LPP: variants seen among roughly 807,000 people sequenced by gnomAD.
The protein encoded by LPP is lipoma-preferred partner.
Under a neutral mutation model 60.4 loss-of-function variants are expected in LPP, and 38 were observed. The observed-to-expected ratio is 0.63, with a 90% confidence interval of 0.49 to 0.83. The LOEUF is 0.83. LPP is among the 40% of genes least tolerant of loss of function. The pLI, the probability that LPP is intolerant of heterozygous loss-of-function variation, is 0.00. For synonymous variants in LPP, 328 were observed against 290.8 expected (o/e 1.13, Z -1.30); for missense variants, 902 against 783.6 (o/e 1.15, Z -1.80).
chr3:188,670,793 A>G (rs1856806087), intron 7 of LPP, among the ~76,000 whole-genome samples: 1 of 152,162 alleles, frequency 6.6e-6, no homozygotes, highest in East Asian at 1.9e-4. Context: ...GGATGACGGG[A>G]ACAAACTCAA....
chr3:188,398,182 G>T (rs1277491397), intron 3 of LPP, among the ~76,000 whole-genome samples: 3 of 152,198 alleles, frequency 2.0e-5, no homozygotes, highest in Admixed American at 2.0e-4. Flanking sequence ...ACATAGTTTT[G>T]TAAGAAACCT....
intron 4 of LPP, among the ~76,000 whole-genome samples, chr3:188,436,149 G>C (rs1010237435): frequency 6.6e-6 from 1 of 152,172 alleles, no homozygotes; most frequent in South Asian, 2.1e-4. Context: ...CTTCCATTGT[G>C]TAGATTACTA....
intron 2 of LPP, among the ~76,000 whole-genome samples, chr3:188,239,413 G>T (rs549305386): frequency 6.6e-6 from 1 of 152,280 alleles, no homozygotes; most frequent in East Asian, 1.9e-4. Context: ...TATGGTCTTT[G>T]CTGTTTGTGT....
intron 3 of LPP, among the ~76,000 whole-genome samples, chr3:188,345,345 A>C (rs1210930208): frequency 6.6e-6 from 1 of 152,110 alleles, no homozygotes; most frequent in East Asian, 1.9e-4. Context: ...TTCCGTGTTT[A>C]TTAAAAGACT....
At chr3:188,195,411 A>G (rs1183901963) in intron 1 of LPP, among the ~76,000 whole-genome samples, 1 of 152,236 alleles carries the variant, frequency 6.6e-6, no homozygotes, top group African/African-American at 2.4e-5. Context: ...AACTTAAAGT[A>G]CTGTATAGTT....
intron 1 of LPP, among the ~76,000 whole-genome samples, chr3:188,186,847 G>T (rs561055334): frequency 7.2e-5 from 11 of 152,094 alleles, no homozygotes; most frequent in African/African-American, 2.7e-4. Flanking sequence ...TTTATTTTAT[G>T]ATAGGTAAGG....
At chr3:188,239,949 A>G (rs2149437050) in intron 2 of LPP, 2 of 201,090 alleles carry the variant, frequency 9.9e-6, no homozygotes, top group South Asian at 1.9e-4. Context: ...AATTTATTTT[A>G]TCCCAAACAC....
chr3:188,805,509 A>G (rs748885251), intron 9 of LPP, among the ~76,000 whole-genome samples: 1 of 146,748 alleles, frequency 6.8e-6, no homozygotes, highest in Non-Finnish European at 1.5e-5. Context: ...GTAAGTCTGA[A>G]TAGAGTTTGT....
intron 4 of LPP, among the ~76,000 whole-genome samples, chr3:188,449,139 G>A (rs1283281385): frequency 3.3e-5 from 5 of 152,102 alleles, no homozygotes; most frequent in Non-Finnish European, 5.9e-5. Context: ...TTACTTTACT[G>A]CACGTCTGTT....
At chr3:188,684,488 A>G (rs934967263) in intron 7 of LPP, among the ~76,000 whole-genome samples, 2 of 152,166 alleles carry the variant, frequency 1.3e-5, no homozygotes, top group African/African-American at 4.8e-5. Context: ...TGTACTTGAA[A>G]ACTCATAGGT....
intron 7 of LPP, among the ~76,000 whole-genome samples, chr3:188,697,581 G>C (rs1168405236): frequency 6.6e-6 from 1 of 151,960 alleles, no homozygotes; most frequent in African/African-American, 2.4e-5. Flanking sequence ...TCTCTCCTAG[G>C]TTCATACCTG....
chr3:188,812,140 T>C (rs1009599605), intron 9 of LPP, among the ~76,000 whole-genome samples: 20 of 152,168 alleles, frequency 1.3e-4, no homozygotes, highest in African/African-American at 4.8e-4. Flanking sequence ...TCTATAAATA[T>C]ATTTTATTTT....
chr3:188,166,700 C>CCT (rs1485242930), intron 1 of LPP, among the ~76,000 whole-genome samples: 3 of 152,204 alleles, frequency 2.0e-5, no homozygotes, highest in Admixed American at 6.5e-5. Flanking sequence ...CTTCCTGTTC[C>CCT]CTGCCTGTGC....
Position 188,416,424 on chromosome 3 carries a change from T to C in LPP, c.193+10111T>C, listed in dbSNP as rs11919058. 2.5e-3 allele frequency among the ~76,000 whole-genome samples: 388 copies of C among 152,212 alleles called. 1 individual carries two copies. The highest frequency in any genetic ancestry group is 8.9e-3 in the African/African-American group (370 of 41,556). On this transcript the variant is annotated intron_variant, in intron 4 of 11. Transcript: ENST00000617246. ...CATTAAAACAAAGCAAAATAAAAAA[T>C]AAAACAGAACTTCCCGGGAATTGTG...
Position 188,760,439 on chromosome 3 carries a change from T to TGTGTGTGTGCAC in LPP, c.1410+158_1410+159insTGTGTGTGCACG, listed in dbSNP as rs55988915. On this transcript the variant is annotated intron_variant, in intron 9 of 11. Transcript: ENST00000617246. Reference sequence around the variant, plus strand: ...GTGTGTGTGTGTGTGTGTGTGTGCGTGCGCGCATGTAAATTAGCATATTGT... The same window carrying TGTGTGTGTGCAC: ...GTGTGTGTGTGTGTGTGTGTGTGCGTGTGTGTGTGCACGCGCGCATGTAAATTAGCATATTGT... Among the ~76,000 whole-genome samples, 842 of 150,028 alleles carry TGTGTGTGTGCAC rather than the reference T, an allele frequency of 5.6e-3. 10 individuals are homozygous for TGTGTGTGTGCAC. The highest frequency in any genetic ancestry group is 0.02 in the African/African-American group (801 of 40,042).
chr3:188,254,125 C>T (rs1012420669), intron 2 of LPP, among the ~76,000 whole-genome samples: 4 of 152,158 alleles, frequency 2.6e-5, no homozygotes, highest in Non-Finnish European at 5.9e-5. Flanking sequence ...AATGACTACA[C>T]ATTAAACTAA....
intron 3 of LPP, among the ~76,000 whole-genome samples, chr3:188,399,488 G>A (rs1781731923): frequency 6.6e-6 from 1 of 152,206 alleles, no homozygotes; most frequent in Non-Finnish European, 1.5e-5. Flanking sequence ...TACTTCTGAT[G>A]TTTAAGTCAA....
intron 2 of LPP, among the ~76,000 whole-genome samples, chr3:188,280,332 A>T (rs1741484684): frequency 6.6e-6 from 1 of 152,204 alleles, no homozygotes; most frequent in East Asian, 1.9e-4. Flanking sequence ...AATCGACATC[A>T]TTAGGAAGAA....
chr3:188,441,987 T>A (rs1794101377), intron 4 of LPP, among the ~76,000 whole-genome samples: 2 of 152,162 alleles, frequency 1.3e-5, no homozygotes, highest in Admixed American at 1.3e-4. Context: ...CCTCACAGAC[T>A]CAGCTGTACA....
Sources: gnomAD v4.1 joint callset for allele counts (sites outside exome capture counted in the v4.1 genomes callset) on GRCh38, gnomAD v4.1.1 for gene constraint, MANE v1.5 for transcripts, NCBI Gene and HGNC (gene_info 2026-07-23, HGNC 2026-07-21) for gene names.